The following TMEM87B variants were observed in gnomAD, a reference collection of about 807,000 sequenced individuals.
TMEM87B encodes the protein transmembrane protein 87B.
Under a neutral mutation model 80.3 loss-of-function variants are expected in TMEM87B, and 83 were observed. The observed-to-expected ratio is 1.03, with a 90% confidence interval of 0.87 to 1.24. TMEM87B has a LOEUF of 1.24. Ranked by LOEUF, TMEM87B falls within the 50% of genes most tolerant of loss-of-function variation. The pLI is 0.00. For missense variants in TMEM87B, 625 were observed against 674.4 expected, an observed-to-expected ratio of 0.93 and a Z score of 0.81; for synonymous variants, 219 against 230.5, an observed-to-expected ratio of 0.95 and a Z score of 0.45.
intron 4 of TMEM87B, among the ~76,000 whole-genome samples, chr2:112,072,306 G>A (rs919252283): frequency 5.9e-5 from 9 of 152,282 alleles, no homozygotes; most frequent in African/African-American, 1.7e-4. Context: ...ATGAGTTGGG[G>A]AGGAGTCCCT....
At chr2:112,109,547 A>T (rs962097905) in intron 17 of TMEM87B, among the ~76,000 whole-genome samples, 2 of 151,680 alleles carry the variant, frequency 1.3e-5, no homozygotes, top group African/African-American at 4.8e-5. Flanking sequence ...AGGAGAAAGT[A>T]GTCATTAATT....
At chr2:112,095,140 C>T (rs75222910) in intron 11 of TMEM87B, 9,997 of 870,358 alleles carry the variant, frequency 0.011, 273 homozygotes, top group African/African-American at 0.027. Flanking sequence ...GTTTCTCTTT[C>T]GTTTCTCTTT....
chr2:112,065,295 G>A (rs567155936), intron 3 of TMEM87B, among the ~76,000 whole-genome samples: 16 of 151,988 alleles, frequency 1.1e-4, no homozygotes, highest in African/African-American at 3.6e-4. Flanking sequence ...TTTTTTCACA[G>A]TATAATTATA....
chr2:112,115,916 A>T (rs1166355018), intron 18 of TMEM87B, among the ~76,000 whole-genome samples, 168 bp from the exon 19 acceptor site: 1 of 152,180 alleles, frequency 6.6e-6, no homozygotes, highest in African/African-American at 2.4e-5. Flanking sequence ...GATTACAGGC[A>T]TGAGTCACTG....
At chr2:112,109,686 T>G (rs1377770159) in intron 17 of TMEM87B, among the ~76,000 whole-genome samples, 4 of 146,190 alleles carry the variant, frequency 2.7e-5, no homozygotes, top group South Asian at 2.1e-4. Context: ...TTTTTTTTTT[T>G]GTCTATCCTC....
At chr2:112,105,601 A>G (rs1573726272) in intron 15 of TMEM87B, among the ~76,000 whole-genome samples, 1 of 152,226 alleles carries the variant, frequency 6.6e-6, no homozygotes, top group Admixed American at 6.5e-5. Flanking sequence ...CCATACGCAC[A>G]TTTCAAAATT....
At chr2:112,055,955 C>G in intron 1 of TMEM87B, among the ~76,000 whole-genome samples, 199 bp downstream of exon 1, 1 of 152,228 alleles carries the variant, frequency 6.6e-6, no homozygotes, top group East Asian at 1.9e-4. Context: ...GGGCTGCAGG[C>G]AAGAGCCGTC....
intron 1 of TMEM87B, among the ~76,000 whole-genome samples, chr2:112,056,090 C>T (rs1037430295): frequency 6.6e-6 from 1 of 152,166 alleles, no homozygotes; most frequent in African/African-American, 2.4e-5. Context: ...TCTCTCGGCA[C>T]ATCTAGCAGC....
chr2:112,074,791 C>T, intron 4 of TMEM87B, 121 bp from the exon 5 acceptor site: 1 of 1,223,540 alleles, frequency 8.2e-7, no homozygotes, highest in Non-Finnish European at 1.1e-6. Flanking sequence ...GAGATTTGTT[C>T]TTTGATGTTT....
intron 5 of TMEM87B, among the ~76,000 whole-genome samples, chr2:112,075,199 A>G (rs1305732557): frequency 1.3e-5 from 2 of 152,200 alleles, no homozygotes; most frequent in African/African-American, 4.8e-5. Flanking sequence ...CAGCAGTTTG[A>G]TACCAGCCTG....
At chr2:112,090,429 G>A in intron 10 of TMEM87B, among the ~76,000 whole-genome samples, 1 of 149,062 alleles carries the variant, frequency 6.7e-6, no homozygotes, top group Non-Finnish European at 1.5e-5. Flanking sequence ...GTTGGTTTTG[G>A]AGACAGGGTC....
intron 10 of TMEM87B, among the ~76,000 whole-genome samples, chr2:112,090,717 T>C (rs1168017573): frequency 6.6e-6 from 1 of 152,176 alleles, no homozygotes; most frequent in African/African-American, 2.4e-5. Flanking sequence ...AGATATGAGC[T>C]ACCACTCATG....
rs1490754162 is a variant in TMEM87B, at chr2:112,117,670, A to G, written c.*1527A>G. 2 of 152,110 alleles carry G rather than the reference A, an allele frequency of 1.3e-5. No individual in the cohort carries two copies. Among genetic ancestry groups the G allele is most frequent in the Non-Finnish European group, 2.9e-5 (2 of 68,012 alleles). 9.4% of individuals were successfully genotyped at this position (152,110 alleles called of 1,614,324 possible). ...GATATCCTTCCTAGGGAGAAAAAAA[A>G]AAAGTAGTTTAACAATTGTGAATTC... On this transcript the variant is annotated 3_prime_UTR_variant, in exon 19 of 19. Transcript: ENST00000283206.
At chr2:112,086,768 T>C (rs1253688691) in intron 9 of TMEM87B, among the ~76,000 whole-genome samples, 1 of 152,136 alleles carries the variant, frequency 6.6e-6, no homozygotes, top group Non-Finnish European at 1.5e-5. Context: ...ACAGGTGTCG[T>C]CCTCAGCATT....
chr2:112,110,807 T>C (rs1326466530), intron 17 of TMEM87B, among the ~76,000 whole-genome samples: 1 of 152,210 alleles, frequency 6.6e-6, no homozygotes, highest in Non-Finnish European at 1.5e-5. Context: ...TTCTTTTTTA[T>C]ATATCATCCT....
chr2:112,079,927 T>C (rs1678937294), intron 6 of TMEM87B, among the ~76,000 whole-genome samples: 2 of 26,470 alleles, frequency 7.6e-5, no homozygotes, highest in African/African-American at 3.3e-4. Flanking sequence ...GTCCCTTGCC[T>C]TTTTTTTTTT....
chr2:112,092,946 C>T (rs1283659953), intron 11 of TMEM87B, among the ~76,000 whole-genome samples: 1 of 152,184 alleles, frequency 6.6e-6, no homozygotes, highest in Non-Finnish European at 1.5e-5. Flanking sequence ...AAGTGCTTTC[C>T]TGTTAGATAG....
At chr2:112,090,512 C>T (rs1320278109) in intron 10 of TMEM87B, among the ~76,000 whole-genome samples, 1 of 151,974 alleles carries the variant, frequency 6.6e-6, no homozygotes, top group Non-Finnish European at 1.5e-5. Flanking sequence ...CTGCAGCCTC[C>T]ATCTCCTAGA....
intron 6 of TMEM87B, among the ~76,000 whole-genome samples, chr2:112,079,761 T>TA (rs1213382263): frequency 2.0e-5 from 3 of 152,212 alleles, no homozygotes; most frequent in Non-Finnish European, 4.4e-5. Context: ...CATCAGCACT[T>TA]ACTCTCTTTC....
Sources: allele counts gnomAD v4.1 joint callset (sites outside exome capture counted in the v4.1 genomes callset), GRCh38; gene constraint gnomAD v4.1.1; transcripts MANE v1.5; gene names NCBI Gene and HGNC (gene_info 2026-07-23, HGNC 2026-07-21).